PLCL1: variants seen among roughly 807,000 people sequenced by gnomAD.
PLCL1 encodes phospholipase C like 1 (inactive).
PLCL1 carries 41 observed loss-of-function variants against 84.4 expected under a neutral mutation model. The ratio of observed to expected loss-of-function variants is 0.49; its 90% confidence interval spans 0.38 to 0.63. The LOEUF (loss-of-function observed/expected upper bound fraction) is 0.63, where lower values mean the gene tolerates loss of function less well. Among genes scored for constraint, PLCL1 ranks in the 30% least tolerant of loss-of-function variants. The probability of loss-of-function intolerance (pLI) is 0.00; values close to 1 mark genes in which losing one functional copy is unlikely to be tolerated. For missense variants in PLCL1, 1,206 were observed against 1,367.8 expected (o/e 0.88, Z 1.87); for synonymous variants, 490 against 488.3 (o/e 1.00, Z -0.05).
In PLCL1 at chr2:197,826,991, A is replaced by G. The variant is rs75000461; in HGVS notation, c.240+21652A>G. Among the ~76,000 whole-genome samples, 1,048 of 152,080 alleles carry G rather than the reference A, an allele frequency of 6.9e-3. 8 individuals carry two copies. The highest frequency in any genetic ancestry group is 0.024 in the African/African-American group (1,000 of 41,470). ...CCTCTTCTATCATATCCAATGTATCACCATGTTTTCTTGGGTCTACCTACT... is the reference window on the plus strand; with the variant it reads ...CCTCTTCTATCATATCCAATGTATCGCCATGTTTTCTTGGGTCTACCTACT... On this transcript the variant is annotated intron_variant, in intron 1 of 5. Transcript: ENST00000428675.
chr2:197,931,441 A>G (rs906699183), intron 1 of PLCL1, among the ~76,000 whole-genome samples: 2 of 152,154 alleles, frequency 1.3e-5, no homozygotes, highest in African/African-American at 4.8e-5. Context: ...CTTATAAGGC[A>G]GTCTACACCG....
chr2:198,147,203 A>AGTGTGTGTGTGTGTGT lies in PLCL1; in HGVS notation c.*257_*272dup, dbSNP rs55930007. The AGTGTGTGTGTGTGTGT allele has an allele frequency of 2.4e-3, 446 of 187,712 alleles. No individual in the cohort carries two copies. Among genetic ancestry groups the AGTGTGTGTGTGTGTGT allele is most frequent in the East Asian group, 2.8e-3 (19 of 6,734 alleles). 11.6% of individuals were successfully genotyped at this position (187,712 alleles called of 1,614,324 possible). A position where few individuals can be genotyped will look rare whatever the true frequency, so the allele number is the denominator to read the frequency against. ...ACCCCTGTGTGGATGCCTGTGGAAG[A>AGTGTGTGTGTGTGTGT]GTGTGTGTGTGTGTGTGTGTGTGTG... On this transcript the variant is annotated 3_prime_UTR_variant, in exon 6 of 6. Transcript: ENST00000428675.
intron 1 of PLCL1, among the ~76,000 whole-genome samples, chr2:198,047,136 T>TATGA (rs1691823425): frequency 6.6e-6 from 1 of 151,042 alleles, no homozygotes; most frequent in Non-Finnish European, 1.5e-5. Flanking sequence ...CTTGCTTGAG[T>TATGA]ATGAACCAGG....
At chr2:197,963,062 A>G (rs536816156) in intron 1 of PLCL1, among the ~76,000 whole-genome samples, 1 of 152,208 alleles carries the variant, frequency 6.6e-6, no homozygotes, top group East Asian at 1.9e-4. Context: ...TCTTTGATAT[A>G]CTGATTTCCT....
intron 1 of PLCL1, among the ~76,000 whole-genome samples, chr2:197,859,696 T>C (rs1687393103): frequency 6.6e-6 from 1 of 152,146 alleles, no homozygotes; most frequent in African/African-American, 2.4e-5. Flanking sequence ...ATACTTACTA[T>C]TGTGTTATGA....
At chr2:197,806,380 A>G (rs1303420969) in intron 1 of PLCL1, among the ~76,000 whole-genome samples, 1 of 152,248 alleles carries the variant, frequency 6.6e-6, no homozygotes, top group Non-Finnish European at 1.5e-5. Context: ...TAATATATTC[A>G]AAAGCTCTGT....
At chr2:198,028,466 A>G (rs892693256) in intron 1 of PLCL1, among the ~76,000 whole-genome samples, 7 of 152,222 alleles carry the variant, frequency 4.6e-5, no homozygotes, top group African/African-American at 1.7e-4. Context: ...CTGCAATCAG[A>G]ACCCTGATAG....
At chr2:198,087,753 A>AT in intron 2 of PLCL1, among the ~76,000 whole-genome samples, 1 of 152,280 alleles carries the variant, frequency 6.6e-6, no homozygotes, top group East Asian at 1.9e-4. Flanking sequence ...TGATGTGCTT[A>AT]TTTCATATTG....
intron 1 of PLCL1, among the ~76,000 whole-genome samples, chr2:198,054,650 A>G (rs181101851): frequency 1.8e-4 from 28 of 152,346 alleles, no homozygotes; most frequent in African/African-American, 6.7e-4. Context: ...TGTCAGTGCA[A>G]CATTTGCAAG....
chr2:197,942,508 G>A (rs1428358555), intron 1 of PLCL1, among the ~76,000 whole-genome samples: 1 of 152,136 alleles, frequency 6.6e-6, no homozygotes, highest in African/African-American at 2.4e-5. Flanking sequence ...CTGTAATTAT[G>A]AAATCAATTT....
intron 1 of PLCL1, among the ~76,000 whole-genome samples, chr2:198,011,909 A>G (rs1002544222): frequency 3.9e-4 from 59 of 152,018 alleles, no homozygotes; most frequent in Non-Finnish European, 8.2e-4. Flanking sequence ...ACTTTGTTTG[A>G]TACAACTCTG....
chr2:198,031,811 C>T (rs1691433017), intron 1 of PLCL1, among the ~76,000 whole-genome samples: 2 of 151,848 alleles, frequency 1.3e-5, no homozygotes, highest in South Asian at 2.1e-4. Context: ...ATATTTGTGC[C>T]ACAAATGACT....
intron 1 of PLCL1, chr2:197,810,316 A>G (rs1190966126): frequency 8.0e-7 from 1 of 1,242,444 alleles, no homozygotes; most frequent in Non-Finnish European, 1.1e-6. Context: ...TGAAGAATAA[A>G]CTTCAGGTAA....
At chr2:198,099,231 C>G (rs1693272742) in intron 3 of PLCL1, among the ~76,000 whole-genome samples, 1 of 152,012 alleles carries the variant, frequency 6.6e-6, no homozygotes, top group Admixed American at 6.6e-5. Context: ...CTCACCTTCT[C>G]TGCTTGGCTT....
At chr2:198,121,288 G>A (rs1365568114) in intron 5 of PLCL1, among the ~76,000 whole-genome samples, 1 of 151,908 alleles carries the variant, frequency 6.6e-6, no homozygotes, top group Non-Finnish European at 1.5e-5. Flanking sequence ...TTGGGTTGTT[G>A]CCTTTGCTGT....
At chr2:198,028,482 T>C (rs924367680) in intron 1 of PLCL1, among the ~76,000 whole-genome samples, 16 of 152,170 alleles carry the variant, frequency 1.1e-4, no homozygotes, top group African/African-American at 3.6e-4. Flanking sequence ...GATAGGAGGA[T>C]TTATCCTGCT....
chr2:197,951,736 C>A (rs1216652614), intron 1 of PLCL1, among the ~76,000 whole-genome samples: 2 of 152,106 alleles, frequency 1.3e-5, no homozygotes, highest in Non-Finnish European at 2.9e-5. Flanking sequence ...TAGGCACTGT[C>A]CATAGGAAGG....
chr2:197,823,660 T>C (rs535645066), intron 1 of PLCL1, among the ~76,000 whole-genome samples: 253 of 152,172 alleles, frequency 1.7e-3, no homozygotes, highest in Non-Finnish European at 3.1e-3. Context: ...CAGGTTGGAG[T>C]TGTGATGGTC....
rs57885218 is a variant in PLCL1 at position 197,819,884 on chromosome 2, ATGTGTG to A, written c.240+14577_240+14582del. Reference sequence around the variant, plus strand: ...AGGAAGCCAAGGCTCACTATTATGCATGTGTGTGTGTGTGTGTGTGTGTGTGTGTGT... The same window carrying A: ...AGGAAGCCAAGGCTCACTATTATGCATGTGTGTGTGTGTGTGTGTGTGTGT... On this transcript the variant is annotated intron_variant, in intron 1 of 5. Transcript: ENST00000428675. Among the ~76,000 whole-genome samples the A allele has an allele frequency of 2.3e-3, 323 of 140,652 alleles. 3 individuals are homozygous for A. Among genetic ancestry groups the A allele is most frequent in the South Asian group, 0.014 (58 of 4,186 alleles). 92.3% of individuals were successfully genotyped at this position (140,652 alleles called of 152,430 possible).
Sources: gnomAD v4.1 joint callset for allele counts (sites outside exome capture counted in the v4.1 genomes callset) on GRCh38, gnomAD v4.1.1 for gene constraint, MANE v1.5 for transcripts, NCBI Gene and HGNC (gene_info 2026-07-23, HGNC 2026-07-21) for gene names.